PTK2: variants seen among roughly 807,000 people sequenced by gnomAD.
PTK2 encodes the protein protein tyrosine kinase 2.
PTK2 carries 45 observed loss-of-function variants against 150.1 expected under a neutral mutation model. The ratio of observed to expected loss-of-function variants is 0.30; its 90% CI spans 0.24 to 0.38. The LOEUF (loss-of-function observed/expected upper bound fraction) is 0.38. PTK2 is among the 10% of genes least tolerant of loss of function. The pLI is 1.00. For synonymous variants in PTK2, 432 were observed against 449.2 expected (o/e 0.96, Z 0.48); for missense variants, 919 against 1,307.3 (o/e 0.70, Z 4.58).
intron 1 of PTK2, among the ~76,000 whole-genome samples, chr8:140,997,225 T>C (rs1392873791): frequency 6.6e-6 from 1 of 152,234 alleles, no homozygotes; most frequent in Non-Finnish European, 1.5e-5. Context: ...CTTGAACGGA[T>C]AAGGAGTTCC....
At chr8:140,685,904 A>C (rs1417625892) in intron 27 of PTK2, among the ~76,000 whole-genome samples, 1 of 152,216 alleles carries the variant, frequency 6.6e-6, no homozygotes, top group African/African-American at 2.4e-5. Context: ...AAAGGAATAT[A>C]AATCTTTCTA....
At chr8:140,974,922 C>G (rs1382011548) in intron 1 of PTK2, among the ~76,000 whole-genome samples, 1 of 152,110 alleles carries the variant, frequency 6.6e-6, no homozygotes, top group East Asian at 1.9e-4. Context: ...AAGAAAAAAT[C>G]TGGAAGCCAT....
chr8:140,699,374 G>A (rs778857518), intron 26 of PTK2, among the ~76,000 whole-genome samples: 34 of 152,158 alleles, frequency 2.2e-4, no homozygotes, highest in Non-Finnish European at 3.2e-4. Context: ...TTCTGAGGCT[G>A]AGGGCATAGA....
chr8:140,915,896 G>A (rs1370844295), intron 2 of PTK2, among the ~76,000 whole-genome samples: 2 of 122,572 alleles, frequency 1.6e-5, no homozygotes, highest in Non-Finnish European at 3.7e-5. Context: ...AGCAAAACTC[G>A]GTCTCAAAAA....
chr8:140,904,296 TGTTTATTGATTTGC>T (rs1285137622), intron 2 of PTK2, among the ~76,000 whole-genome samples: 6 of 152,222 alleles, frequency 3.9e-5, no homozygotes, highest in African/African-American at 1.4e-4. Context: ...TGATGGATTA[TGTTTATTGATTTGC>T]GTTTGTTGAA....
intron 1 of PTK2, among the ~76,000 whole-genome samples, chr8:140,930,980 A>G (rs1431435596): frequency 6.6e-6 from 1 of 151,388 alleles, no homozygotes; most frequent in Non-Finnish European, 1.5e-5. Flanking sequence ...AGGCTGAGGC[A>G]CAATTGCTTG....
intron 5 of PTK2, among the ~76,000 whole-genome samples, chr8:140,857,707 TCCG>T (rs2100133569): frequency 6.6e-6 from 1 of 152,152 alleles, no homozygotes; most frequent in African/African-American, 2.4e-5. Context: ...TCTCCTTACT[TCCG>T]CCAAGTGAGA....
At chr8:140,869,250 T>C (rs922075254) in intron 4 of PTK2, among the ~76,000 whole-genome samples, 22 of 152,218 alleles carry the variant, frequency 1.4e-4, no homozygotes, top group African/African-American at 5.1e-4. Flanking sequence ...AACACGCATC[T>C]GCAAGTCAAC....
chr8:140,677,578 CACTTT>C (rs1458422086), intron 27 of PTK2, among the ~76,000 whole-genome samples: 2 of 152,212 alleles, frequency 1.3e-5, no homozygotes, highest in African/African-American at 4.8e-5. Context: ...TAACCTAAGA[CACTTT>C]ACTTTCTATT....
intron 1 of PTK2, among the ~76,000 whole-genome samples, chr8:140,955,860 G>T (rs2100181033): frequency 6.6e-6 from 1 of 152,218 alleles, no homozygotes; most frequent in South Asian, 2.1e-4. Context: ...CATAAAGGAT[G>T]ATGGAGGTTA....
chr8:140,759,863 A>G lies in PTK2; in HGVS notation c.1332+1302T>C, dbSNP rs185503457. ...CTCTCTCACCCACACACACACACACACACAAACAATAGTTACCATATGATG... is the reference window on the plus strand; with the variant it reads ...CTCTCTCACCCACACACACACACACGCACAAACAATAGTTACCATATGATG... On this transcript the variant is annotated intron_variant, in intron 16 of 31. Coordinates refer to ENST00000522684, the Ensembl canonical transcript of PTK2. Among the ~76,000 whole-genome samples the G allele has an allele frequency of 5.3e-5, 8 of 152,060 alleles. No homozygotes were observed. In the East Asian group the frequency reaches 1.5e-3, roughly 29 times the overall value.
intron 14 of PTK2, among the ~76,000 whole-genome samples, chr8:140,780,794 G>T (rs1357251723): frequency 6.6e-6 from 1 of 152,160 alleles, no homozygotes; most frequent in Non-Finnish European, 1.5e-5. Context: ...ATATGCCTTC[G>T]ATTTGCTTTA....
At chr8:140,763,297 A>T (rs2100070374) in intron 15 of PTK2, among the ~76,000 whole-genome samples, 1 of 152,178 alleles carries the variant, frequency 6.6e-6, no homozygotes, top group Non-Finnish European at 1.5e-5. Flanking sequence ...AAATCCAAAC[A>T]AGAATATTTA....
intron 1 of PTK2, 135 bp downstream of exon 1, chr8:141,000,990 A>G (rs1378580593): frequency 6.6e-6 from 1 of 151,388 alleles, no homozygotes; most frequent in Non-Finnish European, 1.5e-5. Context: ...TCTCCGCCGC[A>G]TCCGCCCCGG....
At chr8:140,771,697 T>C (rs1468476097) in intron 14 of PTK2, among the ~76,000 whole-genome samples, 1 of 152,100 alleles carries the variant, frequency 6.6e-6, no homozygotes, top group East Asian at 1.9e-4. Flanking sequence ...ATTGACATTG[T>C]CAATATATTA....
intron 14 of PTK2, chr8:140,771,030 C>G (rs2100075193): frequency 5.4e-6 from 1 of 184,622 alleles, no homozygotes; most frequent in South Asian, 1.1e-4. Flanking sequence ...GATACAGAAA[C>G]AAGACGTAAG....
At position 140,917,307 on chromosome 8, in the gene PTK2, G is replaced by A. The variant is rs574679797; in HGVS notation, c.-33+8354C>T. On this transcript the variant is annotated intron_variant, in intron 2 of 31. Coordinates refer to ENST00000522684, the Ensembl canonical transcript of PTK2. ...TTGGGAGGCTGAGGCAGAACTGCTT[G>A]AACCAGCCTGGGCGACAGAGCAAGA... is the stretch of plus-strand genomic sequence containing the variant. 9.9e-5 allele frequency among the ~76,000 whole-genome samples: 15 copies of A among 150,966 alleles called. No individual in the cohort carries two copies. The East Asian group carries it at 3.0e-3, about 30-fold the overall frequency.
At chr8:140,992,293 G>GA (rs397949814) in intron 1 of PTK2, among the ~76,000 whole-genome samples, 2,615 of 120,590 alleles carry the variant, frequency 0.022, 44 homozygotes, top group Middle Eastern at 0.035. Context: ...CTTCATCTCG[G>GA]AAAAAAAAAA....
intron 1 of PTK2, among the ~76,000 whole-genome samples, chr8:140,999,706 A>G (rs2100199234): frequency 6.6e-6 from 1 of 152,204 alleles, no homozygotes; most frequent in Non-Finnish European, 1.5e-5. Flanking sequence ...GGAGTGCTCA[A>G]CTCTCGAAGA....
Sources: gnomAD v4.1 joint callset for allele counts (sites outside exome capture counted in the v4.1 genomes callset) on GRCh38, gnomAD v4.1.1 for gene constraint, MANE v1.5 for transcripts, NCBI Gene and HGNC (gene_info 2026-07-23, HGNC 2026-07-21) for gene names.